TOX3: variants seen among roughly 807,000 people sequenced by gnomAD.
TOX3 encodes the protein CAG trinucleotide repeat-containing gene F9 protein.
TOX3 carries 22 observed loss-of-function variants against 64.3 expected under a neutral mutation model. That is an observed-to-expected ratio of 0.34 (90% CI 0.24 to 0.49). TOX3 has a LOEUF of 0.49. Ranked by LOEUF, TOX3 falls within the 20% of genes least tolerant of loss-of-function variation. TOX3 has a pLI of 0.99. For missense variants in TOX3, 661 were observed against 714.4 expected, an observed-to-expected ratio of 0.93 and a Z score of 0.85; for synonymous variants, 291 against 273.6, an observed-to-expected ratio of 1.06 and a Z score of -0.63.
At chr16:52,477,027 G>A (rs767626937) in intron 1 of TOX3, among the ~76,000 whole-genome samples, 1 of 152,066 alleles carries the variant, frequency 6.6e-6, no homozygotes, top group Non-Finnish European at 1.5e-5. Flanking sequence ...TTGTTACATG[G>A]GTATATTGCA....
At chr16:52,483,882 A>C (rs1961436380) in intron 1 of TOX3, among the ~76,000 whole-genome samples, 1 of 152,200 alleles carries the variant, frequency 6.6e-6, no homozygotes, top group Non-Finnish European at 1.5e-5. Context: ...TTTTAATACA[A>C]GAAAAGTAAC....
intron 1 of TOX3, among the ~76,000 whole-genome samples, chr16:52,520,852 T>C (rs1962591734): frequency 6.6e-6 from 1 of 152,218 alleles, no homozygotes; most frequent in Non-Finnish European, 1.5e-5. Context: ...TTTGGAATTA[T>C]GGCTAAGGTA....
At chr16:52,510,144 TA>T (rs35701412) in intron 1 of TOX3, among the ~76,000 whole-genome samples, 4,380 of 138,504 alleles carry the variant, frequency 0.032, 97 homozygotes, top group African/African-American at 0.073. Context: ...GCCTTGCTGT[TA>T]AAAAAAAAAA....
At chr16:52,538,337 A>G (rs904309725) in intron 1 of TOX3, among the ~76,000 whole-genome samples, 3 of 152,206 alleles carry the variant, frequency 2.0e-5, no homozygotes, top group African/African-American at 7.2e-5. Context: ...TCCTACACCT[A>G]GGAGATTTTT....
At chr16:52,510,189 G>A (rs1032836742) in intron 1 of TOX3, among the ~76,000 whole-genome samples, 4 of 150,704 alleles carry the variant, frequency 2.7e-5, no homozygotes, top group African/African-American at 7.3e-5. Context: ...TAAAAGGCAA[G>A]GTGTTTTGTT....
At chr16:52,513,453 T>G (rs1442273987) in intron 1 of TOX3, among the ~76,000 whole-genome samples, 1 of 152,200 alleles carries the variant, frequency 6.6e-6, no homozygotes, top group Non-Finnish European at 1.5e-5. Context: ...AGGCATGAAT[T>G]AAAATTATAG....
At chr16:52,512,310 G>A (rs542713826) in intron 1 of TOX3, among the ~76,000 whole-genome samples, 2 of 152,176 alleles carry the variant, frequency 1.3e-5, no homozygotes, top group Non-Finnish European at 2.9e-5. Context: ...AGTACCAGGA[G>A]GTTTCAAAGG....
At chr16:52,535,555 T>A (rs1304951834) in intron 1 of TOX3, among the ~76,000 whole-genome samples, 3 of 152,218 alleles carry the variant, frequency 2.0e-5, no homozygotes, top group Non-Finnish European at 1.5e-5. Flanking sequence ...AGCCTTGGAC[T>A]ACTTCCCTCT....
intron 5 of TOX3, chr16:52,445,678 A>T (rs1230560057): frequency 3.8e-6 from 1 of 261,038 alleles, no homozygotes; most frequent in Non-Finnish European, 7.3e-6. Flanking sequence ...CTTTTTGAAC[A>T]AAGGGGAAAA....
intron 1 of TOX3, among the ~76,000 whole-genome samples, chr16:52,484,395 G>A (rs1961451905): frequency 1.3e-5 from 2 of 152,040 alleles, no homozygotes; most frequent in East Asian, 1.9e-4. Context: ...ATGCTTTCCA[G>A]GTGTTTTAAC....
intron 1 of TOX3, among the ~76,000 whole-genome samples, chr16:52,502,457 A>G (rs1281974687): frequency 6.6e-6 from 1 of 152,220 alleles, no homozygotes; most frequent in Non-Finnish European, 1.5e-5. Context: ...AAAAATCCAT[A>G]TTCAACAAAA....
intron 1 of TOX3, chr16:52,519,657 A>G: frequency 7.7e-7 from 1 of 1,306,924 alleles, no homozygotes. Flanking sequence ...CTTCTTACCA[A>G]GCAAGAAGTA....
At chr16:52,442,590 G>A (rs1310858885) in intron 6 of TOX3, among the ~76,000 whole-genome samples, 2 of 152,154 alleles carry the variant, frequency 1.3e-5, no homozygotes, top group Non-Finnish European at 2.9e-5. Flanking sequence ...ATCCAAAACA[G>A]AACCAATTCT....
intron 1 of TOX3, among the ~76,000 whole-genome samples, chr16:52,470,167 A>G (rs984846870): frequency 1.3e-4 from 20 of 152,240 alleles, no homozygotes; most frequent in Non-Finnish European, 4.4e-5. Flanking sequence ...ACAATGTTAA[A>G]TACATGCAAG....
chr16:52,477,147 T>G (rs1203467387), intron 1 of TOX3, among the ~76,000 whole-genome samples: 1 of 149,548 alleles, frequency 6.7e-6, no homozygotes, highest in Non-Finnish European at 1.5e-5. Context: ...AGAGGGAGAG[T>G]CCCAGGCAAA....
chr16:52,504,440 C>T (rs985042579), intron 1 of TOX3, among the ~76,000 whole-genome samples: 3 of 133,590 alleles, frequency 2.2e-5, no homozygotes, highest in Non-Finnish European at 4.6e-5. Flanking sequence ...GCACTCCAGC[C>T]TAGGTGATAG....
rs373049459 is a variant in TOX3 at position 52,517,630 on chromosome 16, C to T, written c.87+29007G>A. 1.1e-4 allele frequency among the ~76,000 whole-genome samples: 16 copies of T among 152,176 alleles called. No homozygotes were observed. The South Asian group carries it at 3.3e-3, about 32-fold the overall frequency. On this transcript the variant is annotated intron_variant, in intron 1 of 6. Transcript: ENST00000219746. ...AGGTAGACTACATGCATCTTACCTA[C>T]ACATTGAGTATTAAAAATCCTAGCT...
chr16:52,523,196 T>G (rs1339710959), intron 1 of TOX3, among the ~76,000 whole-genome samples: 1 of 152,146 alleles, frequency 6.6e-6, no homozygotes. Context: ...AATTGAGCCA[T>G]GCAAATATCT....
intron 1 of TOX3, among the ~76,000 whole-genome samples, chr16:52,529,006 G>A (rs901665733): frequency 6.6e-6 from 1 of 152,172 alleles, no homozygotes; most frequent in Non-Finnish European, 1.5e-5. Flanking sequence ...ATGTGGACCA[G>A]ACAACAACTT....
Sources: allele counts gnomAD v4.1 joint callset (sites outside exome capture counted in the v4.1 genomes callset), GRCh38; gene constraint gnomAD v4.1.1; transcripts MANE v1.5; gene names NCBI Gene and HGNC (gene_info 2026-07-23, HGNC 2026-07-21).